CDH11: variants seen among roughly 807,000 people sequenced by gnomAD.
The protein encoded by CDH11 is cadherin 11.
A neutral mutation model predicts 67.8 loss-of-function variants in CDH11; 11 were observed. That is an observed-to-expected ratio of 0.16 (90% CI 0.10 to 0.27). CDH11 has a LOEUF of 0.27. CDH11 is among the 10% of genes least tolerant of loss of function. The pLI is 1.00. For missense variants in CDH11, 847 were observed against 1,031.2 expected, an observed-to-expected ratio of 0.82 and a Z score of 2.45; for synonymous variants, 419 against 400.0, an observed-to-expected ratio of 1.05 and a Z score of -0.57.
At chr16:65,030,242 G>C (rs1045134439) in intron 2 of CDH11, among the ~76,000 whole-genome samples, 1 of 152,168 alleles carries the variant, frequency 6.6e-6, no homozygotes, top group African/African-American at 2.4e-5. Flanking sequence ...ATTAAATTTA[G>C]ATTCAAATAA....
At chr16:65,094,087 GTCGAATGGCCT>G (rs1422449974) in intron 1 of CDH11, among the ~76,000 whole-genome samples, 1 of 152,188 alleles carries the variant, frequency 6.6e-6, no homozygotes, top group East Asian at 1.9e-4. Flanking sequence ...CTTAAGAGAA[GTCGAATGGCCT>G]TCATAAATAC....
intron 1 of CDH11, among the ~76,000 whole-genome samples, chr16:65,069,273 C>T (rs965156629): frequency 1.3e-5 from 2 of 152,092 alleles, no homozygotes; most frequent in Non-Finnish European, 2.9e-5. Flanking sequence ...TTCATTATGA[C>T]GTCAAATCTC....
At chr16:64,955,930 T>A (rs1283892652) in intron 11 of CDH11, among the ~76,000 whole-genome samples, 1 of 152,156 alleles carries the variant, frequency 6.6e-6, no homozygotes, top group African/African-American at 2.4e-5. Flanking sequence ...CCCCTTGCAT[T>A]GGACATATGC....
chr16:65,087,092 G>C lies in CDH11; in HGVS notation c.-297-33164C>G, dbSNP rs545029139. Among the ~76,000 whole-genome samples the C allele has an allele frequency of 5.3e-5, 8 of 152,186 alleles. No individual in the cohort carries two copies. In the East Asian group the frequency reaches 1.4e-3, roughly 26 times the overall value. On this transcript the variant is annotated intron_variant, in intron 1 of 12. Coordinates refer to ENST00000268603, the MANE Select transcript of CDH11 (RefSeq NM_001797.4). The stretch of plus-strand genomic sequence containing the variant: ...CTTTTGATACAGAGCAGACTTCGGA[G>C]TTAGGTGTGAATTGGAAATGTCCCA...
chr16:64,955,300 G>C (rs2071478387), intron 11 of CDH11, among the ~76,000 whole-genome samples: 1 of 152,050 alleles, frequency 6.6e-6, no homozygotes, highest in South Asian at 2.1e-4. Flanking sequence ...AAATTAGCTG[G>C]GTGTGGTGGC....
chr16:64,998,904 G>A, intron 3 of CDH11, 48 bp from the exon 4 acceptor site: 2 of 1,523,686 alleles, frequency 1.3e-6, no homozygotes, highest in East Asian at 2.3e-5. Flanking sequence ...GGAAAGCAGT[G>A]GGGAAACTCA....
chr16:65,072,501 TC>T (rs950572728), intron 1 of CDH11, among the ~76,000 whole-genome samples: 3 of 152,104 alleles, frequency 2.0e-5, no homozygotes, highest in African/African-American at 7.2e-5. Context: ...AACAGCATCT[TC>T]TTGTCCAATT....
At chr16:65,077,450 A>G (rs530777479) in intron 1 of CDH11, among the ~76,000 whole-genome samples, 18 of 152,258 alleles carry the variant, frequency 1.2e-4, no homozygotes, top group Non-Finnish European at 2.4e-4. Flanking sequence ...TGTAAAGAGA[A>G]TAACTAATAA....
intron 11 of CDH11, 69 bp downstream of exon 11, chr16:64,971,510 C>T (rs2142426092): frequency 2.4e-6 from 2 of 841,770 alleles, no homozygotes; most frequent in South Asian, 1.5e-5. Context: ...AATACTTGTG[C>T]TATGCAATGT....
intron 2 of CDH11, among the ~76,000 whole-genome samples, chr16:65,024,236 C>T (rs1238794019): frequency 6.6e-6 from 1 of 152,206 alleles, no homozygotes. Context: ...TGGACAACAG[C>T]TAACTCCTCA....
In CDH11 at chr16:64,984,263, T is replaced by C. The variant is rs117778768; in HGVS notation, c.1000-1962A>G. Among the ~76,000 whole-genome samples the C allele has an allele frequency of 6.7e-3, 1,021 of 152,294 alleles. 31 individuals are homozygous for C. The highest frequency in any genetic ancestry group is 0.057 in the Admixed American group (878 of 15,286). On this transcript the variant is annotated intron_variant, in intron 7 of 12. Coordinates refer to ENST00000268603, the MANE Select transcript of CDH11 (RefSeq NM_001797.4). ...GAGTGGAATGGAGGGGAGCATCCCT[T>C]AGAAGTCTACTGAGTCTTACTGCTC...
At chr16:65,045,600 C>T (rs539530160) in intron 2 of CDH11, among the ~76,000 whole-genome samples, 28 of 151,860 alleles carry the variant, frequency 1.8e-4, no homozygotes, top group Admixed American at 8.5e-4. Context: ...TATCTAATTG[C>T]CTTGAGCTCT....
intron 7 of CDH11, chr16:64,985,567 G>GC (rs1460425420): frequency 6.6e-6 from 1 of 151,454 alleles, no homozygotes; most frequent in African/African-American, 2.4e-5. Flanking sequence ...CTTGAGAACT[G>GC]CCCCCACAAG....
chr16:65,016,466 C>T (rs897746918), intron 2 of CDH11, among the ~76,000 whole-genome samples: 2 of 152,076 alleles, frequency 1.3e-5, no homozygotes, highest in Admixed American at 1.3e-4. Context: ...TATTAAGTGT[C>T]TTTTGTGGGT....
chr16:65,081,571 A>C (rs1307021490), intron 1 of CDH11, among the ~76,000 whole-genome samples: 1 of 150,718 alleles, frequency 6.6e-6, no homozygotes, highest in Non-Finnish European at 1.5e-5. Context: ...TCTGTCTCAA[A>C]AAAAAAAAAA....
chr16:64,980,553 G>C (rs2072305441), intron 8 of CDH11, among the ~76,000 whole-genome samples: 1 of 152,198 alleles, frequency 6.6e-6, no homozygotes, highest in African/African-American at 2.4e-5. Flanking sequence ...AGGGCTACCA[G>C]CTAGAAGGAG....
At chr16:65,049,062 G>A (rs1455586776) in intron 2 of CDH11, among the ~76,000 whole-genome samples, 1 of 152,076 alleles carries the variant, frequency 6.6e-6, no homozygotes, top group Non-Finnish European at 1.5e-5. Flanking sequence ...AAAGGGAGGA[G>A]GAGGGTTGAA....
chr16:64,987,140 T>C (rs1424674090), intron 7 of CDH11: 2 of 152,232 alleles, frequency 1.3e-5, no homozygotes, highest in African/African-American at 4.8e-5. Flanking sequence ...TAATGCTCCA[T>C]ACACTTTCAT....
intron 11 of CDH11, chr16:64,968,625 G>T: frequency 1.1e-6 from 1 of 874,668 alleles, no homozygotes; most frequent in Non-Finnish European, 1.4e-6. Flanking sequence ...TATTAAGATG[G>T]CTTTTCCTCT....
Sources: allele counts gnomAD v4.1 joint callset (sites outside exome capture counted in the v4.1 genomes callset), GRCh38; gene constraint gnomAD v4.1.1; transcripts MANE v1.5; gene names NCBI Gene and HGNC (gene_info 2026-07-23, HGNC 2026-07-21).